The following RCSD1 variants were observed in gnomAD, a reference collection of about 807,000 sequenced individuals.
RCSD1 encodes capZ-interacting protein.
In RCSD1, 26 loss-of-function variants were observed where a neutral mutation model predicts 42.5. The observed-to-expected ratio is 0.61, with a 90% CI of 0.45 to 0.85. The LOEUF is 0.85. RCSD1 is among the 40% of genes least tolerant of loss of function. RCSD1 has a pLI of 0.00. For synonymous variants in RCSD1, 220 were observed against 212.2 expected, an observed-to-expected ratio of 1.04 and a Z score of -0.32; for missense variants, 571 against 528.3, an observed-to-expected ratio of 1.08 and a Z score of -0.79.
chr1:167,635,028 T>A (rs1233979918), intron 1 of RCSD1, among the ~76,000 whole-genome samples: 1 of 152,208 alleles, frequency 6.6e-6, no homozygotes, highest in East Asian at 1.9e-4. Context: ...TCCATATCTT[T>A]TTACTTCAGT....
At chr1:167,641,661 T>C (rs1446309187) in intron 1 of RCSD1, 1 of 152,306 alleles carries the variant, frequency 6.6e-6, no homozygotes, top group African/African-American at 2.4e-5. Context: ...AAGTTTGCGG[T>C]GAGCCGAGAT....
chr1:167,697,056 T>A, intron 5 of RCSD1, 43 bp from the exon 6 acceptor site: 4 of 1,569,318 alleles, frequency 2.5e-6, no homozygotes, highest in Non-Finnish European at 3.5e-6. Context: ...CTTGGCCTTT[T>A]TTTATGAGTT....
chr1:167,632,415 G>A (rs1657725970), intron 1 of RCSD1, among the ~76,000 whole-genome samples: 3 of 152,196 alleles, frequency 2.0e-5, no homozygotes, highest in East Asian at 1.9e-4. Flanking sequence ...AACAAGGAGG[G>A]TCTCCTTCCA....
rs761837814 is a variant in RCSD1, at chr1:167,697,348, T to C, written c.724T>C (p.Ser242Pro). The C allele has an allele frequency of 3.7e-6, 6 of 1,613,366 alleles. No individual in the cohort carries two copies. In the East Asian group the frequency reaches 1.3e-4, roughly 36 times the overall value. The change falls in exon 6 of 7, where the codon TCA becomes CCA. Residue 242 changes from serine to proline, a missense_variant. By Grantham distance (74) the Ser-to-Pro change is moderately conservative. Coordinates refer to ENST00000367854, the MANE Select transcript of RCSD1 (RefSeq NM_052862.4). ...GPAEKPPLRR[S>P]PSRTEKQEED... ...TGCTGAAAAGCCTCCTCTGAGGAGG[T>C]CACCCAGCAGGACAGAGAAGCAGGA...
intron 3 of RCSD1, 76 bp downstream of exon 3, chr1:167,685,586 G>A: frequency 8.2e-7 from 1 of 1,217,658 alleles, no homozygotes; most frequent in Non-Finnish European, 1.2e-6. Flanking sequence ...TTTGGAGGAG[G>A]GGGCACCAAA....
At chr1:167,646,985 C>G (rs1658165104) in intron 1 of RCSD1, among the ~76,000 whole-genome samples, 1 of 152,022 alleles carries the variant, frequency 6.6e-6, no homozygotes, top group Non-Finnish European at 1.5e-5. Context: ...CAAAAGTTAG[C>G]CTGGCATGGT....
intron 1 of RCSD1, among the ~76,000 whole-genome samples, chr1:167,658,572 C>T (rs574054753): frequency 1.8e-4 from 28 of 152,146 alleles, no homozygotes; most frequent in Admixed American, 1.6e-3. Flanking sequence ...ATTACAGGCA[C>T]GTGCCACCAC....
At chr1:167,665,619 G>A (rs1022319091) in intron 1 of RCSD1, among the ~76,000 whole-genome samples, 15 of 152,092 alleles carry the variant, frequency 9.9e-5, no homozygotes, top group Admixed American at 3.3e-4. Context: ...CAGCTTCACC[G>A]TCATTTGGTA....
At chr1:167,636,083 C>T (rs1288171096) in intron 1 of RCSD1, among the ~76,000 whole-genome samples, 1 of 152,204 alleles carries the variant, frequency 6.6e-6, no homozygotes, top group African/African-American at 2.4e-5. Context: ...GGCAGTCAGC[C>T]TCCCGTTTTT....
intron 1 of RCSD1, among the ~76,000 whole-genome samples, chr1:167,674,115 C>T (rs1357278266): frequency 6.6e-6 from 1 of 152,198 alleles, no homozygotes; most frequent in Non-Finnish European, 1.5e-5. Context: ...AAGTGTCAGG[C>T]CCATAAGGTG....
At chr1:167,653,938 A>C (rs1042461384) in intron 1 of RCSD1, among the ~76,000 whole-genome samples, 1 of 152,226 alleles carries the variant, frequency 6.6e-6, no homozygotes, top group Non-Finnish European at 1.5e-5. Context: ...TGGGAAGAGC[A>C]GGGGCCTGGA....
intron 6 of RCSD1, among the ~76,000 whole-genome samples, chr1:167,704,346 C>T (rs1239276274): frequency 2.0e-5 from 3 of 152,118 alleles, no homozygotes; most frequent in Non-Finnish European, 4.4e-5. Context: ...ACAACTCAAG[C>T]TCTGATCCCT....
At chr1:167,659,962 G>A (rs898892646) in intron 1 of RCSD1, among the ~76,000 whole-genome samples, 33 of 152,160 alleles carry the variant, frequency 2.2e-4, no homozygotes, top group African/African-American at 3.9e-4. Context: ...CTGCATCACT[G>A]TGAGGGCTGC....
intron 1 of RCSD1, 141 bp from the exon 2 acceptor site, chr1:167,683,759 T>A (rs1659143598): frequency 1.2e-6 from 1 of 804,992 alleles, no homozygotes. Flanking sequence ...TTTTAAGTCC[T>A]TGAATGCAGG....
chr1:167,661,908 A>G (rs1380117081), intron 1 of RCSD1, among the ~76,000 whole-genome samples: 2 of 152,298 alleles, frequency 1.3e-5, no homozygotes, highest in African/African-American at 4.8e-5. Context: ...TGTGCTCACT[A>G]TAAGGAGGAC....
At chr1:167,675,076 C>G (rs867848882) in intron 1 of RCSD1, among the ~76,000 whole-genome samples, 1 of 151,694 alleles carries the variant, frequency 6.6e-6, no homozygotes, top group Non-Finnish European at 1.5e-5. Context: ...CCTGGTGGCA[C>G]GTGCCTGTAG....
chr1:167,677,887 G>T (rs1467247965), intron 1 of RCSD1, among the ~76,000 whole-genome samples: 8 of 152,206 alleles, frequency 5.3e-5, no homozygotes, highest in Non-Finnish European at 1.0e-4. Context: ...AATTATGAGG[G>T]GGGTATGTCG....
At chr1:167,661,974 T>C (rs1261242040) in intron 1 of RCSD1, among the ~76,000 whole-genome samples, 1 of 152,202 alleles carries the variant, frequency 6.6e-6, no homozygotes, top group Non-Finnish European at 1.5e-5. Flanking sequence ...TGCAGCAACC[T>C]TGTATGTTAA....
intron 3 of RCSD1, among the ~76,000 whole-genome samples, chr1:167,688,671 CACG>C (rs1392062050): frequency 9.2e-5 from 14 of 152,232 alleles, no homozygotes; most frequent in Non-Finnish European, 8.8e-5. Context: ...GTAAAAAGAT[CACG>C]AGGAGTTCAG....
Sources: gnomAD v4.1 joint callset for allele counts (sites outside exome capture counted in the v4.1 genomes callset) on GRCh38, gnomAD v4.1.1 for gene constraint, MANE v1.5 for transcripts, NCBI Gene and HGNC (gene_info 2026-07-23, HGNC 2026-07-21) for gene names.